PCDHGA7: variants seen among roughly 807,000 people sequenced by gnomAD.
The protein encoded by PCDHGA7 is protocadherin gamma-A7.
Under a neutral mutation model 58.3 loss-of-function variants are expected in PCDHGA7, and 44 were observed. The observed-to-expected ratio is 0.75, with a 90% CI of 0.59 to 0.97. The LOEUF (loss-of-function observed/expected upper bound fraction) is 0.97. Ranked by LOEUF, PCDHGA7 falls within the 50% of genes least tolerant of loss-of-function variation. The pLI is 0.00. For synonymous variants in PCDHGA7, 516 were observed against 504.2 expected, an observed-to-expected ratio of 1.02 and a Z score of -0.31; for missense variants, 1,266 against 1,188.7, an observed-to-expected ratio of 1.06 and a Z score of -0.96.
intron 1 of PCDHGA7, among the ~76,000 whole-genome samples, chr5:141,443,859 GAA>G (rs2098408229): frequency 6.6e-6 from 1 of 152,104 alleles, no homozygotes; most frequent in Non-Finnish European, 1.5e-5. Context: ...TCTGAAAACT[GAA>G]AAAATTACTG....
At chr5:141,488,348 C>T (rs1231687770) in intron 1 of PCDHGA7, among the ~76,000 whole-genome samples, 1 of 152,106 alleles carries the variant, frequency 6.6e-6, no homozygotes, top group Non-Finnish European at 1.5e-5. Flanking sequence ...TAGAAACAGC[C>T]ACCCTGTGCA....
At chr5:141,497,143 GA>G (rs928640875) in intron 2 of PCDHGA7, among the ~76,000 whole-genome samples, 7 of 149,992 alleles carry the variant, frequency 4.7e-5, no homozygotes, top group African/African-American at 9.8e-5. Context: ...CTGAGATCAC[GA>G]AAAAAAAATA....
At chr5:141,463,692 C>A (rs1482988660) in intron 1 of PCDHGA7, among the ~76,000 whole-genome samples, 2 of 151,934 alleles carry the variant, frequency 1.3e-5, no homozygotes, top group Non-Finnish European at 2.9e-5. Flanking sequence ...GTGATCTGCT[C>A]ACCTCGGCCT....
At position 141,423,758 on chromosome 5, in the gene PCDHGA7, G is replaced by GC. The variant is rs1554116873; in HGVS notation, c.2424+38435_2424+38436insC. 1.7e-4 allele frequency: 62 copies of GC among 366,836 alleles called. 2 individuals are homozygous for GC. The highest frequency in any genetic ancestry group is 4.2e-4 in the Middle Eastern group (1 of 2,358). The allele number at this position is 366,836 out of a possible 1,614,324, so 22.7% of individuals were successfully genotyped here. Reference sequence around the variant, plus strand: ...CTGTTATGAAAACTGTTTGGGGGGGGGGTGGGGCGGCATATATTTAGTTCA... The same window carrying GC: ...CTGTTATGAAAACTGTTTGGGGGGGGCGGTGGGGCGGCATATATTTAGTTCA... On this transcript the variant is annotated intron_variant, in intron 1 of 3. Coordinates refer to ENST00000518325, the MANE Select transcript of PCDHGA7 (RefSeq NM_018920.4).
At chr5:141,502,866 C>CTTT (rs549047197) in intron 2 of PCDHGA7, among the ~76,000 whole-genome samples, 3 of 128,046 alleles carry the variant, frequency 2.3e-5, no homozygotes, top group African/African-American at 9.3e-5. Context: ...GACTCTCTGT[C>CTTT]TTTTTTTTTT....
chr5:141,500,937 C>G (rs910002814), intron 2 of PCDHGA7, among the ~76,000 whole-genome samples: 1 of 151,804 alleles, frequency 6.6e-6, no homozygotes, highest in Non-Finnish European at 1.5e-5. Context: ...GGCGCCATCT[C>G]GGCTCACTGC....
chr5:141,497,739 A>G (rs1180122239), intron 2 of PCDHGA7, among the ~76,000 whole-genome samples: 1 of 152,118 alleles, frequency 6.6e-6, no homozygotes, highest in Admixed American at 6.6e-5. Flanking sequence ...GGGTTTCGCC[A>G]CGTTGGCCAG....
At chr5:141,393,357 G>C in intron 1 of PCDHGA7, 5 of 1,613,924 alleles carry the variant, frequency 3.1e-6, no homozygotes, top group Admixed American at 1.7e-5. Flanking sequence ...CTCCCTGGAC[G>C]TGCAGACTGG....
rs1360124362 is a variant in PCDHGA7 at position 141,489,688 on chromosome 5, G to A, written c.2425-5119G>A. On this transcript the variant is annotated intron_variant, in intron 1 of 3. Coordinates refer to ENST00000518325, the MANE Select transcript of PCDHGA7 (RefSeq NM_018920.4). This position sits in a 1 kb window ranked among gnomAD's most constrained non-coding sequence, Gnocchi z 4.5. The stretch of plus-strand genomic sequence containing the variant: ...CATCTCAGAATCAGCAGCATCTGGG[G>A]CACGATTCCCACTGGACAGTGCCCA... 6.2e-7 allele frequency: 1 copy of A among 1,614,150 alleles called. No homozygotes were observed. Among genetic ancestry groups the A allele is most frequent in the Non-Finnish European group, 8.5e-7 (1 of 1,180,012 alleles).
Position 141,399,482 on chromosome 5 carries a change from C to T in PCDHGA7, c.2424+14159C>T, listed in dbSNP as rs559370708. 8.1e-6 allele frequency: 13 copies of T among 1,613,934 alleles called. No individual in the cohort carries two copies. In the South Asian group the frequency reaches 1.3e-4, roughly 16 times the overall value. ...AACGCTCCGGTTTTCCACCAGGCGT[C>T]CTACTTAGTCAGTGTACCCGAAAAC... On this transcript the variant is annotated intron_variant, in intron 1 of 3. Coordinates refer to ENST00000518325, the MANE Select transcript of PCDHGA7 (RefSeq NM_018920.4).
chr5:141,503,260 C>A (rs2154593294), intron 2 of PCDHGA7, among the ~76,000 whole-genome samples: 1 of 152,178 alleles, frequency 6.6e-6, no homozygotes, highest in African/African-American at 2.4e-5. Flanking sequence ...ACAGCCACAA[C>A]CCCAGCACCT....
Position 141,477,833 on chromosome 5 carries a change from G to C in PCDHGA7, c.2425-16974G>C. Reference sequence around the variant, plus strand: ...CCCCCAGGTCCTATATCCTCGGCCAGGTGGGAGCTCGGTGGAGATGCTGCC... The same window carrying C: ...CCCCCAGGTCCTATATCCTCGGCCACGTGGGAGCTCGGTGGAGATGCTGCC... On this transcript the variant is annotated intron_variant, in intron 1 of 3. Transcript: ENST00000518325. This position sits in a 1 kb window ranked among gnomAD's most constrained non-coding sequence, Gnocchi z 4.9. The C allele has an allele frequency of 6.2e-7, 1 of 1,614,174 alleles. No individual in the cohort carries two copies.
chr5:141,390,544 G>A, intron 1 of PCDHGA7: 1 of 505,664 alleles, frequency 2.0e-6, no homozygotes, highest in Non-Finnish European at 3.5e-6. Flanking sequence ...ACCACAAAGT[G>A]AAAGTGTTAG....
intron 1 of PCDHGA7, chr5:141,387,786 C>T: frequency 1.4e-6 from 2 of 1,473,828 alleles, no homozygotes; most frequent in Non-Finnish European, 1.8e-6. Flanking sequence ...ACTGGAACTG[C>T]AACTAAAGTC....
intron 1 of PCDHGA7, chr5:141,404,371 C>G (rs374054833): frequency 1.5e-5 from 25 of 1,613,774 alleles, no homozygotes; most frequent in Non-Finnish European, 2.0e-5. Context: ...CCATCTTCTC[C>G]GTGATTGCCT....
At chr5:141,399,147 C>T (rs2093760764) in intron 1 of PCDHGA7, 1 of 1,613,664 alleles carries the variant, frequency 6.2e-7, no homozygotes. Flanking sequence ...ATGACAATAG[C>T]CCAGAAGTTA....
intron 1 of PCDHGA7, chr5:141,396,086 G>T (rs2093341467): frequency 6.6e-6 from 1 of 152,152 alleles, no homozygotes; most frequent in Non-Finnish European, 1.5e-5. Flanking sequence ...GATGTGAAGT[G>T]GTGAGAATGT....
chr5:141,387,561 A>G lies in PCDHGA7; in HGVS notation c.2424+2238A>G, dbSNP rs2090990234. 9 of 426,060 alleles carry G rather than the reference A, an allele frequency of 2.1e-5. No homozygotes were observed. The East Asian group carries it at 3.4e-4, about 16-fold the overall frequency. 26.4% of individuals were successfully genotyped at this position (426,060 alleles called of 1,614,324 possible). A position where few individuals can be genotyped will look rare whatever the true frequency, so the allele number is the denominator to read the frequency against. The stretch of plus-strand genomic sequence containing the variant: ...AGTTTTTGTTCTTTCAGTTAGGCAC[A>G]CAATTATAATTATTGCACTGGTTAA... On this transcript the variant is annotated intron_variant, in intron 1 of 3. Transcript: ENST00000518325.
At chr5:141,389,766 C>A (rs1217222336) in intron 1 of PCDHGA7, 1 of 1,613,060 alleles carries the variant, frequency 6.2e-7, no homozygotes, top group East Asian at 2.2e-5. Flanking sequence ...GCGCACAGCG[C>A]GTGCCTTAGG....
Sources: gnomAD v4.1 joint callset for allele counts (sites outside exome capture counted in the v4.1 genomes callset) on GRCh38, gnomAD v4.1.1 for gene constraint, Gnocchi (gnomAD v3.1) non-coding constraint, MANE v1.5 for transcripts, NCBI Gene and HGNC (gene_info 2026-07-23, HGNC 2026-07-21) for gene names.